The following CRPPA variants were observed in gnomAD, a reference collection of about 807,000 sequenced individuals.
CRPPA encodes the protein D-ribitol-5-phosphate cytidylyltransferase.
A neutral mutation model predicts 52.0 loss-of-function variants in CRPPA; 43 were observed. The ratio of observed to expected loss-of-function variants is 0.83; its 90% confidence interval spans 0.65 to 1.07. The LOEUF (loss-of-function observed/expected upper bound fraction) is 1.07, where lower values mean the gene tolerates loss of function less well. CRPPA is among the 50% of genes least tolerant of loss of function. The pLI, the probability that CRPPA is intolerant of heterozygous loss-of-function variation, is 0.00. For missense variants in CRPPA, 629 were observed against 551.7 expected (o/e 1.14, Z -1.40); for synonymous variants, 250 against 203.5 (o/e 1.23, Z -1.94).
intron 9 of CRPPA, among the ~76,000 whole-genome samples, chr7:16,148,332 C>G (rs145257242): frequency 5.9e-5 from 9 of 152,238 alleles, no homozygotes; most frequent in Non-Finnish European, 8.8e-5. Context: ...GATATCTGCA[C>G]TCCTATGTTT....
intron 1 of CRPPA, among the ~76,000 whole-genome samples, chr7:16,418,619 C>A (rs1788250919): frequency 1.3e-5 from 2 of 152,128 alleles, no homozygotes; most frequent in African/African-American, 4.8e-5. Flanking sequence ...ACAGGAGGAA[C>A]TACGAAACAC....
At chr7:16,125,423 T>C (rs1782559253) in intron 9 of CRPPA, among the ~76,000 whole-genome samples, 1 of 152,130 alleles carries the variant, frequency 6.6e-6, no homozygotes, top group Non-Finnish European at 1.5e-5. Context: ...TTATATAGCA[T>C]ACAATTTATC....
At chr7:16,376,531 T>A (rs1786892708) in intron 2 of CRPPA, among the ~76,000 whole-genome samples, 1 of 152,044 alleles carries the variant, frequency 6.6e-6, no homozygotes, top group Non-Finnish European at 1.5e-5. Context: ...GATGCTAAGA[T>A]CCAATTGGGT....
chr7:16,408,057 A>C (rs1787995096), intron 1 of CRPPA, among the ~76,000 whole-genome samples: 1 of 151,864 alleles, frequency 6.6e-6, no homozygotes, highest in Non-Finnish European at 1.5e-5. Flanking sequence ...GAAATGAGCC[A>C]AGATCATGCC....
At chr7:16,380,641 G>A (rs1055871763) in intron 2 of CRPPA, among the ~76,000 whole-genome samples, 1 of 152,130 alleles carries the variant, frequency 6.6e-6, no homozygotes, top group African/African-American at 2.4e-5. Context: ...TGATTGGTAA[G>A]CTATTGATTA....
At chr7:16,149,728 G>C (rs983640849) in intron 9 of CRPPA, among the ~76,000 whole-genome samples, 1 of 152,196 alleles carries the variant, frequency 6.6e-6, no homozygotes, top group African/African-American at 2.4e-5. Flanking sequence ...GCTCACGCCT[G>C]TAATCCCAGC....
chr7:16,380,060 C>G (rs1425207384), intron 2 of CRPPA, among the ~76,000 whole-genome samples: 1 of 151,058 alleles, frequency 6.6e-6, no homozygotes, highest in Non-Finnish European at 1.5e-5. Flanking sequence ...GCATCCCTGT[C>G]TTGTGCCAGT....
chr7:16,127,826 A>G (rs933958091), intron 9 of CRPPA, among the ~76,000 whole-genome samples: 2 of 152,198 alleles, frequency 1.3e-5, no homozygotes, highest in African/African-American at 2.4e-5. Flanking sequence ...CTCTAATGGT[A>G]AATCTTATTC....
chr7:16,327,214 A>G (rs1368923151), intron 3 of CRPPA, among the ~76,000 whole-genome samples: 1 of 152,146 alleles, frequency 6.6e-6, no homozygotes, highest in Non-Finnish European at 1.5e-5. Flanking sequence ...GATTATCTTC[A>G]AGTAGAACTC....
At chr7:16,390,635 C>G (rs902867670) in intron 2 of CRPPA, among the ~76,000 whole-genome samples, 2 of 152,142 alleles carry the variant, frequency 1.3e-5, no homozygotes, top group Non-Finnish European at 2.9e-5. Flanking sequence ...TCATACTTCT[C>G]TATTGTTAAA....
chr7:16,258,947 A>T lies in CRPPA; in HGVS notation c.999T>A (p.Asp333Glu), dbSNP rs376909665. 3 of 1,611,066 alleles carry T rather than the reference A, an allele frequency of 1.9e-6. No homozygotes were observed. The highest frequency in any genetic ancestry group is 2.5e-6 in the Non-Finnish European group (3 of 1,178,254). The change falls in exon 7 of 10, where the codon GAT becomes GAA. Residue 333 changes from aspartate (D) to glutamate (E), a missense_variant. Physicochemically the swap from Asp to Glu is conservative, Grantham distance 45. Coordinates refer to ENST00000407010, the MANE Select transcript of CRPPA (RefSeq NM_001101426.4). ...TCACACAAACAAAATTGTAGCATTGATCTAAGATGATTTGCTGAAGATGTC... is the reference window on the plus strand; with the variant it reads ...TCACACAAACAAAATTGTAGCATTGTTCTAAGATGATTTGCTGAAGATGTC... ...AGRHLQQIIL[D>E]QCYNFVCVNV...
intron 5 of CRPPA, among the ~76,000 whole-genome samples, chr7:16,287,703 C>T (rs1040199398): frequency 1.1e-4 from 16 of 152,086 alleles, no homozygotes; most frequent in African/African-American, 3.9e-4. Context: ...GAATGGATTG[C>T]TTGAGGTCAG....
At chr7:16,177,455 G>A (rs188816797) in intron 9 of CRPPA, among the ~76,000 whole-genome samples, 23 of 152,154 alleles carry the variant, frequency 1.5e-4, no homozygotes, top group African/African-American at 4.3e-4. Context: ...TCAAGGTTGC[G>A]GAGATCAGAT....
chr7:16,130,137 A>T (rs1340215846), intron 9 of CRPPA, among the ~76,000 whole-genome samples: 1 of 152,226 alleles, frequency 6.6e-6, no homozygotes, highest in Non-Finnish European at 1.5e-5. Context: ...CAATAACACT[A>T]GGATGTTAAA....
chr7:16,378,890 T>C (rs1285224008), intron 2 of CRPPA, among the ~76,000 whole-genome samples: 1 of 152,358 alleles, frequency 6.6e-6, no homozygotes, highest in East Asian at 1.9e-4. Context: ...CATGTGTTTT[T>C]TGGCTGCATA....
intron 9 of CRPPA, among the ~76,000 whole-genome samples, chr7:16,153,826 A>G (rs757463943): frequency 2.6e-5 from 4 of 152,050 alleles, no homozygotes; most frequent in African/African-American, 4.8e-5. Flanking sequence ...AAGCAGCATT[A>G]TCTTTCTACC....
intron 5 of CRPPA, among the ~76,000 whole-genome samples, chr7:16,299,417 G>C (rs1341605097): frequency 6.6e-6 from 1 of 152,136 alleles, no homozygotes; most frequent in African/African-American, 2.4e-5. Flanking sequence ...GAAGATGTCT[G>C]GAATTTAATG....
chr7:16,163,213 A>T (rs1481523554), intron 9 of CRPPA, among the ~76,000 whole-genome samples: 1 of 151,800 alleles, frequency 6.6e-6, no homozygotes, highest in Admixed American at 6.6e-5. Flanking sequence ...TGATCTCGTG[A>T]TCTGCCTGCC....
chr7:16,308,668 C>T (rs201759747), intron 3 of CRPPA, 41 bp from the exon 4 acceptor site: 28 of 1,198,498 alleles, frequency 2.3e-5, no homozygotes, highest in Non-Finnish European at 3.1e-5. Flanking sequence ...AGCTAAAATG[C>T]GATTTTAAGT....
Sources: allele counts gnomAD v4.1 joint callset (sites outside exome capture counted in the v4.1 genomes callset), GRCh38; gene constraint gnomAD v4.1.1; transcripts MANE v1.5; gene names NCBI Gene and HGNC (gene_info 2026-07-23, HGNC 2026-07-21).